The following ZNF592 variants were observed in gnomAD, a reference collection of about 807,000 sequenced individuals.
ZNF592 encodes the protein spinocerebellar ataxia, autosomal recessive 5.
In ZNF592, 11 loss-of-function variants were observed where a neutral mutation model predicts 80.3. The ratio of observed to expected loss-of-function variants is 0.14; its 90% CI spans 0.09 to 0.23. The LOEUF is 0.23. Ranked by LOEUF, ZNF592 falls within the 10% of genes least tolerant of loss-of-function variation. ZNF592 has a pLI of 1.00. For synonymous variants in ZNF592, 646 were observed against 640.3 expected (o/e 1.01, Z -0.13); for missense variants, 1,420 against 1,633.9 (o/e 0.87, Z 2.26).
chr15:84,760,195 A>C (rs1191406879), intron 1 of ZNF592, among the ~76,000 whole-genome samples: 2 of 151,954 alleles, frequency 1.3e-5, no homozygotes, highest in African/African-American at 4.8e-5. Context: ...TTCTACTCCA[A>C]ATCCTCCTGT....
chr15:84,765,535 G>GTTTTTTTTTTTTTTT (rs71453265), intron 2 of ZNF592, among the ~76,000 whole-genome samples: 1 of 92,280 alleles, frequency 1.1e-5, no homozygotes, highest in Non-Finnish European at 2.0e-5. Flanking sequence ...TGTTATTATT[G>GTTTTTTTTTTTTTTT]TTTTTTTTTT....
Position 84,784,811 on chromosome 15 carries a change from G to T in ZNF592, c.2136G>T (p.Lys712Asn), listed in dbSNP as rs1962543150. The T allele has an allele frequency of 6.2e-7, 1 of 1,614,098 alleles. No individual in the cohort carries two copies. The highest frequency in any genetic ancestry group is 2.2e-5 in the East Asian group (1 of 44,868). ...TGAGGCTCATCCGGTACTCAATCAA[G>T]TGTCTTGAATGTCACAAGCAGATGC... ...DPVRLIRYSI[K>N]CLECHKQMRD... Residue 712 changes from lysine (K) to asparagine (N), a missense_variant, in exon 4 of 11, where the codon AAG (lysine) becomes AAT (asparagine). Lys to Asn is a moderately conservative substitution (Grantham distance 94, BLOSUM62 0). Coordinates refer to ENST00000560079, the MANE Select transcript of ZNF592 (RefSeq NM_014630.3). This position sits in a 1 kb window ranked among gnomAD's most constrained non-coding sequence, Gnocchi z 5.8.
rs761491793 is a variant in ZNF592, at chr15:84,784,543, C to T, written c.1868C>T (p.Thr623Met). The change falls in exon 4 of 11, where the codon ACG (threonine) becomes ATG (methionine). Residue 623 changes from threonine (T) to methionine (M), a missense_variant. Around this residue, in one of 7 missense-constraint regions of ZNF592, gnomAD observed 524 missense variants for 628.3 expected, o/e 0.83. Transcript: ENST00000560079. The surrounding 1 kb of genome is among the most constrained non-coding windows in gnomAD (Gnocchi z 5.8). ...GTACTGTGCACACTGTGCTCCAAGA[C>T]GCTGCTCTTCTTCAACAAGTGCAGC... is the stretch of plus-strand genomic sequence containing the variant. ...IEVLCTLCSK[T>M]LLFFNKCSLL... 31 of 1,614,096 alleles carry T rather than the reference C, an allele frequency of 1.9e-5. No individual in the cohort carries two copies. Among genetic ancestry groups the T allele is most frequent in the Middle Eastern group, 3.3e-4 (2 of 6,084 alleles).
chr15:84,765,535 G>GTTTTTTTTTTTTTTTTTTTTTTTTTT (rs71453265), intron 2 of ZNF592, among the ~76,000 whole-genome samples: 1 of 92,280 alleles, frequency 1.1e-5, no homozygotes, highest in African/African-American at 4.2e-5. Context: ...TGTTATTATT[G>GTTTTTTTTTTTTTTTTTTTTTTTTTT]TTTTTTTTTT....
rs762904733 is a variant in ZNF592 at position 84,783,490 on chromosome 15, A to G, written c.815A>G (p.Gln272Arg). ...LGTCSSVPPR[Q>R]RLKPAHSKLS... ...ACCTGCTCATCAGTCCCCCCTAGGC[A>G]GCGTCTAAAGCCAGCTCATTCCAAG... is the stretch of plus-strand genomic sequence containing the variant. Residue 272 changes from glutamine (Q) to arginine (R), a missense_variant, in exon 4 of 11, where the codon CAG becomes CGG. This residue lies in a region of ZNF592 where 373 missense variants were observed against 355.5 expected (regional missense o/e 1.05). Coordinates refer to ENST00000560079, the MANE Select transcript of ZNF592 (RefSeq NM_014630.3). This position sits in a 1 kb window ranked among gnomAD's most constrained non-coding sequence, Gnocchi z 5.0. The G allele has an allele frequency of 6.2e-7, 1 of 1,614,226 alleles. No individual in the cohort carries two copies. The highest frequency in any genetic ancestry group is 8.5e-7 in the Non-Finnish European group (1 of 1,180,034).
chr15:84,777,522 A>G (rs1471806820), intron 2 of ZNF592, among the ~76,000 whole-genome samples: 3 of 151,596 alleles, frequency 2.0e-5, no homozygotes, highest in Non-Finnish European at 4.4e-5. Flanking sequence ...GGGTCTCACT[A>G]TGTTGGTCTT....
rs1164234905 is a variant in ZNF592, at chr15:84,798,866, C to G, written c.3015C>G (p.Ser1005Arg). Reference protein sequence around the residue: ...RESYVSHMKKSHGRTLKRYPC... With the variant: ...RESYVSHMKKRHGRTLKRYPC... ...GCTACGTGTCCCACATGAAAAAGAG[C>G]CACGGTCGGGTAAGTGCAGCCACAC... is the stretch of plus-strand genomic sequence containing the variant. Residue 1005 changes from serine to arginine, a missense_variant, in exon 8 of 11, where the codon AGC becomes AGG. Physicochemically the swap from Ser to Arg is moderately radical, Grantham distance 110 (BLOSUM62 -1). This residue lies in a region of ZNF592 where 331 missense variants were observed against 347.0 expected (regional missense o/e 0.95). Coordinates refer to ENST00000560079, the MANE Select transcript of ZNF592 (RefSeq NM_014630.3). This position sits in a 1 kb window ranked among gnomAD's most constrained non-coding sequence, Gnocchi z 4.5. 6.3e-7 allele frequency: 1 copy of G among 1,598,030 alleles called. No individual in the cohort carries two copies. Among genetic ancestry groups the G allele is most frequent in the East Asian group, 2.2e-5 (1 of 44,848 alleles).
intron 2 of ZNF592, among the ~76,000 whole-genome samples, chr15:84,766,772 G>A (rs1416720231): frequency 6.6e-6 from 1 of 150,592 alleles, no homozygotes; most frequent in Non-Finnish European, 1.5e-5. Flanking sequence ...GAACACTTGG[G>A]AGAGAAACTT....
At chr15:84,773,877 A>C (rs1738338714) in intron 2 of ZNF592, among the ~76,000 whole-genome samples, 1 of 152,150 alleles carries the variant, frequency 6.6e-6, no homozygotes, top group South Asian at 2.1e-4. Flanking sequence ...GGGGAACCAA[A>C]ACTGCACAGC....
At chr15:84,788,757 C>T (rs2141991688) in intron 4 of ZNF592, among the ~76,000 whole-genome samples, 1 of 152,264 alleles carries the variant, frequency 6.6e-6, no homozygotes, top group Non-Finnish European at 1.5e-5. Flanking sequence ...CTTCCTCCTC[C>T]CAAGCCCTGG....
At chr15:84,800,016 A>G (rs745401635) in intron 10 of ZNF592, 39 bp downstream of exon 10, 1 of 1,613,902 alleles carries the variant, frequency 6.2e-7, no homozygotes, top group East Asian at 2.2e-5. Context: ...CTGGCTGCTC[A>G]GTGAGGCTTG....
intron 3 of ZNF592, 32 bp downstream of exon 3, chr15:84,778,344 T>C: frequency 4.6e-6 from 1 of 215,360 alleles, no homozygotes; most frequent in Non-Finnish European, 9.4e-6. Context: ...GAGGCGGTGT[T>C]TGATTTGCAT....
chr15:84,800,937 A>G (rs1685566752), intron 10 of ZNF592, among the ~76,000 whole-genome samples: 1 of 152,236 alleles, frequency 6.6e-6, no homozygotes, highest in Non-Finnish European at 1.5e-5. Context: ...TAGAAGAATG[A>G]AGCCTCTGTA....
At chr15:84,796,237 A>AAT (rs1567076111) in intron 5 of ZNF592, among the ~76,000 whole-genome samples, 3 of 26,830 alleles carry the variant, frequency 1.1e-4, no homozygotes, top group African/African-American at 8.0e-4. Flanking sequence ...AAAAAAAAAA[A>AAT]AAATATATAT....
At chr15:84,778,070 T>G (rs1232977315) in intron 2 of ZNF592, 113 bp from the exon 3 acceptor site, 1 of 152,920 alleles carries the variant, frequency 6.5e-6, no homozygotes, top group Non-Finnish European at 1.5e-5. Flanking sequence ...GTCTGTCCAT[T>G]TGTCTTTCTT....
In ZNF592 at chr15:84,800,571, T is replaced by TA. The variant is rs1456890232; in HGVS notation, c.3273+596dup. Among the ~76,000 whole-genome samples the TA allele has an allele frequency of 3.9e-5, 6 of 152,342 alleles. No homozygotes were observed. The South Asian group carries it at 1.0e-3, about 26-fold the overall frequency. ...AGGGTCAGGTGTGTCTGGGAAGTCC[T>TA]AAGAGCTGCCTGGAGTTTCAAGGCA... On this transcript the variant is annotated intron_variant, in intron 10 of 10. Coordinates refer to ENST00000560079, the MANE Select transcript of ZNF592 (RefSeq NM_014630.3).
At chr15:84,797,022 G>A (rs1327776470) in intron 5 of ZNF592, among the ~76,000 whole-genome samples, 1 of 152,154 alleles carries the variant, frequency 6.6e-6, no homozygotes, top group Non-Finnish European at 1.5e-5. Context: ...GGAATGCGGT[G>A]GCACAAACTC....
chr15:84,781,205 G>A (rs1339593916), intron 3 of ZNF592, among the ~76,000 whole-genome samples: 4 of 151,830 alleles, frequency 2.6e-5, no homozygotes, highest in South Asian at 4.2e-4. Flanking sequence ...CCACCACCAC[G>A]CCTGGCTGAT....
chr15:84,786,763 A>G (rs112359003), intron 4 of ZNF592, among the ~76,000 whole-genome samples: 1 of 150,714 alleles, frequency 6.6e-6, no homozygotes, highest in East Asian at 1.9e-4. Flanking sequence ...ATCTGAGTCA[A>G]GGGGCCATGA....
Sources: allele counts gnomAD v4.1 joint callset (sites outside exome capture counted in the v4.1 genomes callset), GRCh38; gene constraint gnomAD v4.1.1; regional missense constraint gnomAD v4.1.1; non-coding constraint Gnocchi (gnomAD v3.1); transcripts MANE v1.5; gene names NCBI Gene and HGNC (gene_info 2026-07-23, HGNC 2026-07-21).